C18orf63: variants seen among roughly 807,000 people sequenced by gnomAD.
C18orf63 encodes the protein uncharacterized protein C18orf63.
Under a neutral mutation model 75.3 loss-of-function variants are expected in C18orf63, and 50 were observed. The observed-to-expected ratio is 0.66, with a 90% CI of 0.53 to 0.84. The LOEUF is 0.84. Among genes scored for constraint, C18orf63 ranks in the 40% least tolerant of loss-of-function variants. The pLI is 0.00. For synonymous variants in C18orf63, 232 were observed against 267.6 expected (o/e 0.87, Z 1.30); for missense variants, 732 against 800.2 (o/e 0.91, Z 1.03).
intron 7 of C18orf63, among the ~76,000 whole-genome samples, chr18:74,335,974 T>C (rs958205779): frequency 6.6e-6 from 1 of 152,116 alleles, no homozygotes; most frequent in Non-Finnish European, 1.5e-5. Context: ...TCTCCATTTT[T>C]CTTATAAATT....
intron 4 of C18orf63, among the ~76,000 whole-genome samples, chr18:74,324,026 A>G (rs1164033582): frequency 6.6e-6 from 1 of 152,246 alleles, no homozygotes; most frequent in Non-Finnish European, 1.5e-5. Flanking sequence ...CTGGCCACCC[A>G]CCACCCTGAA....
chr18:74,342,396 C>T lies in C18orf63; in HGVS notation c.794+70C>T, dbSNP rs1055943806. On this transcript the variant is annotated intron_variant, in intron 10 of 13. Coordinates refer to ENST00000579455, the MANE Select transcript of C18orf63 (RefSeq NM_001174123.2). ...TATAATCTAGTTTTGCTCCCACTCT[C>T]ATGTCATACTTTTCAACCTTCTTTC... is the stretch of plus-strand genomic sequence containing the variant. The T allele has an allele frequency of 9.2e-6, 8 of 874,082 alleles. No homozygotes were observed. The African/African-American group carries it at 1.0e-4, about 11-fold the overall frequency. The allele number at this position is 874,082 out of a possible 1,614,324, so 54.1% of individuals were successfully genotyped here.
intron 2 of C18orf63, among the ~76,000 whole-genome samples, chr18:74,318,583 G>A (rs1984067185): frequency 6.6e-6 from 1 of 152,146 alleles, no homozygotes; most frequent in South Asian, 2.1e-4. Flanking sequence ...GAGGTCAGGA[G>A]TTCGACACCA....
chr18:74,329,281 G>A (rs1319037688), intron 6 of C18orf63, among the ~76,000 whole-genome samples: 1 of 150,974 alleles, frequency 6.6e-6, no homozygotes, highest in African/African-American at 2.4e-5. Flanking sequence ...AGGCTGAAGT[G>A]GAGAGCCAGT....
intron 4 of C18orf63, among the ~76,000 whole-genome samples, chr18:74,324,037 T>C (rs8087358): frequency 0.014 from 2,067 of 152,312 alleles, 27 homozygotes; most frequent in South Asian, 0.047. Flanking sequence ...CCACCCTGAA[T>C]TAGAATAAGC....
intron 11 of C18orf63, among the ~76,000 whole-genome samples, chr18:74,352,524 C>T (rs889329148): frequency 1.3e-4 from 20 of 152,004 alleles, no homozygotes; most frequent in Admixed American, 5.9e-4. Context: ...GAATTGCTAC[C>T]ACGTACCAGG....
At chr18:74,346,407 T>C (rs1984575872) in intron 11 of C18orf63, among the ~76,000 whole-genome samples, 1 of 152,184 alleles carries the variant, frequency 6.6e-6, no homozygotes, top group Non-Finnish European at 1.5e-5. Context: ...TTTATCTTCC[T>C]GGTCAGGGGT....
At position 74,353,468 on chromosome 18, in the gene C18orf63, A is replaced by G; in HGVS notation, c.1201A>G (p.Ile401Val). 6.5e-7 allele frequency: 1 copy of G among 1,536,358 alleles called. No homozygotes were observed. The highest frequency in any genetic ancestry group is 8.7e-7 in the Non-Finnish European group (1 of 1,146,860). ...TCAGGGTAGAAAGAAATCCCTGTCT[A>G]TCAGGGCTCCACAAGTACATTCAGA... ...SVQGRKKSLS[I>V]RAPQVHSEVL... is the part of the protein sequence containing the mutation. Residue 401 changes from isoleucine to valine, a missense_variant, in exon 12 of 14, where the codon ATC becomes GTC. By Grantham distance (29) the Ile-to-Val change is conservative. Transcript: ENST00000579455.
At chr18:74,350,092 C>T (rs1454293047) in intron 11 of C18orf63, among the ~76,000 whole-genome samples, 2 of 152,114 alleles carry the variant, frequency 1.3e-5, no homozygotes, top group African/African-American at 4.8e-5. Flanking sequence ...GGTAGGAGGC[C>T]TTCACACCTT....
chr18:74,345,216 G>A (rs1188132311), intron 11 of C18orf63, among the ~76,000 whole-genome samples: 1 of 146,364 alleles, frequency 6.8e-6, no homozygotes, highest in African/African-American at 2.5e-5. Flanking sequence ...TTTTTCTACT[G>A]TGTTACGTGT....
intron 13 of C18orf63, 64 bp downstream of exon 13, chr18:74,354,610 G>T: frequency 1.3e-6 from 1 of 787,166 alleles, no homozygotes; most frequent in Non-Finnish European, 2.0e-6. Flanking sequence ...CCAAGTTTAG[G>T]GGTCCCCAAC....
chr18:74,338,090 G>T (rs112369255), intron 7 of C18orf63, among the ~76,000 whole-genome samples: 41 of 152,130 alleles, frequency 2.7e-4, no homozygotes, highest in African/African-American at 9.6e-4. Context: ...CCTCCTTGAG[G>T]TCTCTTTATA....
chr18:74,351,760 C>G (rs1010408431), intron 11 of C18orf63, among the ~76,000 whole-genome samples: 1 of 152,158 alleles, frequency 6.6e-6, no homozygotes, highest in Non-Finnish European at 1.5e-5. Flanking sequence ...ACTCTGATTT[C>G]CCAAAATCTT....
At chr18:74,352,095 A>C (rs56065725) in intron 11 of C18orf63, among the ~76,000 whole-genome samples, 2 of 152,152 alleles carry the variant, frequency 1.3e-5, no homozygotes, top group East Asian at 1.9e-4. Context: ...CTCATGTTGC[A>C]ATATAAATGA....
rs1418218298 is a variant in C18orf63, at chr18:74,317,956, G to A, written c.91G>A (p.Val31Met). The stretch of plus-strand genomic sequence containing the variant: ...TGTCAGAATAATACTGAGTAATAAG[G>A]TGGCAGATACTGAGATTAGGACTAT... The part of the protein sequence containing the change: ...CAVRIILSNK[V>M]ADTEIRTIQM... The change falls in exon 2 of 14, where the codon GTG becomes ATG. Residue 31 changes from valine to methionine, a missense_variant. Transcript: ENST00000579455. 1 of 1,532,674 alleles carries A rather than the reference G, an allele frequency of 6.5e-7. No homozygotes were observed. Among genetic ancestry groups the A allele is most frequent in the Non-Finnish European group, 8.7e-7 (1 of 1,144,456 alleles). 94.9% of individuals were successfully genotyped at this position (1,532,674 alleles called of 1,614,324 possible).
rs1460551274 is a variant in C18orf63 at position 74,357,293 on chromosome 18, T to A, written c.*846T>A. 1 of 152,162 alleles carries A rather than the reference T, an allele frequency of 6.6e-6. No individual in the cohort carries two copies. The highest frequency in any genetic ancestry group is 1.5e-5 in the Non-Finnish European group (1 of 68,048). The allele number at this position is 152,162 out of a possible 1,614,324, so 9.4% of individuals were successfully genotyped here. Reference sequence around the variant, plus strand: ...GGCCTGAGCCCCTGAGTGCTGGTGGTCTAGTCTCAAGCAAATTCATTCTGG... The same window carrying A: ...GGCCTGAGCCCCTGAGTGCTGGTGGACTAGTCTCAAGCAAATTCATTCTGG... On this transcript the variant is annotated 3_prime_UTR_variant, in exon 14 of 14. Transcript: ENST00000579455.
At chr18:74,350,575 A>G (rs1162356542) in intron 11 of C18orf63, among the ~76,000 whole-genome samples, 1 of 152,160 alleles carries the variant, frequency 6.6e-6, no homozygotes, top group Non-Finnish European at 1.5e-5. Flanking sequence ...CCTCTGAAGG[A>G]ACCAGCCCTG....
At chr18:74,326,742 G>A (rs894208500) in intron 4 of C18orf63, among the ~76,000 whole-genome samples, 5 of 152,260 alleles carry the variant, frequency 3.3e-5, no homozygotes, top group Non-Finnish European at 5.9e-5. Context: ...CTGTTATTTC[G>A]TATAACTTGC....
chr18:74,328,715 C>G (rs898291608), intron 5 of C18orf63, among the ~76,000 whole-genome samples: 2 of 152,234 alleles, frequency 1.3e-5, no homozygotes, highest in East Asian at 1.9e-4. Flanking sequence ...AACTGAGAAG[C>G]TATCCTGAAT....
Sources: allele counts gnomAD v4.1 joint callset (sites outside exome capture counted in the v4.1 genomes callset), GRCh38; gene constraint gnomAD v4.1.1; transcripts MANE v1.5; gene names NCBI Gene and HGNC (gene_info 2026-07-23, HGNC 2026-07-21).